Variants in ADAM22 observed in about 807,000 individuals in gnomAD.
ADAM22 encodes ADAM metallopeptidase domain 22, also known as disintegrin and metalloproteinase domain-containing protein 22.
A neutral mutation model predicts 144.6 loss-of-function variants in ADAM22; 65 were observed. The ratio of observed to expected loss-of-function variants is 0.45; its 90% CI spans 0.37 to 0.55. The LOEUF (loss-of-function observed/expected upper bound fraction) is 0.55, where lower values mean the gene tolerates loss of function less well. ADAM22 is among the 20% of genes least tolerant of loss of function. The probability of loss-of-function intolerance (pLI) is 0.00; values close to 1 mark genes in which losing one functional copy is unlikely to be tolerated. For synonymous variants in ADAM22, 391 were observed against 412.6 expected (o/e 0.95, Z 0.63); for missense variants, 974 against 1,184.9 (o/e 0.82, Z 2.61).
intron 5 of ADAM22, among the ~76,000 whole-genome samples, chr7:88,111,218 T>G (rs1825957801): frequency 6.6e-6 from 1 of 152,162 alleles, no homozygotes; most frequent in South Asian, 2.1e-4. Context: ...TAATTATTGC[T>G]TCTCATCTTG....
intron 22 of ADAM22, among the ~76,000 whole-genome samples, chr7:88,162,495 A>G (rs916220518): frequency 6.6e-6 from 1 of 152,138 alleles, no homozygotes; most frequent in African/African-American, 2.4e-5. Flanking sequence ...ATAAAAGTTT[A>G]AAAAATGGTG....
chr7:88,160,786 T>C (rs980479271), intron 22 of ADAM22, among the ~76,000 whole-genome samples: 1 of 151,992 alleles, frequency 6.6e-6, no homozygotes, highest in Admixed American at 6.6e-5. Context: ...TATGCAGCCA[T>C]AAAAAATGAT....
At position 88,197,817 on chromosome 7, in the gene ADAM22, A is replaced by G. The variant is rs1293152384; in HGVS notation, c.*1326A>G. 2 of 152,246 alleles carry G rather than the reference A, an allele frequency of 1.3e-5. No individual in the cohort carries two copies. The highest frequency in any genetic ancestry group is 4.8e-5 in the African/African-American group (2 of 41,464). 9.4% of individuals were successfully genotyped at this position (152,246 alleles called of 1,614,324 possible). On this transcript the variant is annotated 3_prime_UTR_variant, in exon 32 of 32. Coordinates refer to ENST00000413139, the MANE Select transcript of ADAM22 (RefSeq NM_001324418.2). The stretch of plus-strand genomic sequence containing the variant: ...TTGAGTTGAGCAGCTTCAACCATTC[A>G]TAAAGGGTTAAGTTAGATCTAAACC...
rs564558065 is a variant in ADAM22 at position 87,934,408 on chromosome 7, C to T, written c.-58C>T. The T allele has an allele frequency of 5.9e-6, 9 of 1,514,508 alleles. No homozygotes were observed. The South Asian group carries it at 7.2e-5, about 12-fold the overall frequency. The allele number at this position is 1,514,508 out of a possible 1,614,324, so 93.8% of individuals were successfully genotyped here. ...GGGCGCGGAGCGAGGGAAACGGACT[C>T]GGCGGCGCCGGCATGAGGAGCTGAG... On this transcript the variant is annotated 5_prime_UTR_variant, in exon 1 of 32. Transcript: ENST00000413139.
intron 3 of ADAM22, among the ~76,000 whole-genome samples, chr7:88,063,725 A>G (rs1188517898): frequency 6.6e-6 from 1 of 152,190 alleles, no homozygotes; most frequent in African/African-American, 2.4e-5. Flanking sequence ...CATAGAGGAA[A>G]AAACAGGTCA....
chr7:88,134,561 G>A (rs1832558846), intron 13 of ADAM22, 142 bp downstream of exon 13: 3 of 579,900 alleles, frequency 5.2e-6, no homozygotes, highest in Non-Finnish European at 3.0e-6. Context: ...CGCACAAACT[G>A]TTGTTTTCCA....
At position 88,153,168 on chromosome 7, in the gene ADAM22, TG is replaced by T. The variant is rs1409132869; in HGVS notation, c.1682-52del. The stretch of plus-strand genomic sequence containing the variant: ...CAATTTTTCTTTTCTGCAAAGCTTT[TG>T]AGCAGCCAAATCGTACTTCCCTCAC... On this transcript the variant is annotated intron_variant, in intron 20 of 31. Coordinates refer to ENST00000413139, the MANE Select transcript of ADAM22 (RefSeq NM_001324418.2). 5.3e-6 allele frequency: 7 copies of T among 1,312,578 alleles called. No individual in the cohort carries two copies. In the African/African-American group the frequency reaches 8.8e-5, roughly 16 times the overall value. The allele number at this position is 1,312,578 out of a possible 1,614,324, so 81.3% of individuals were successfully genotyped here. A position where few individuals can be genotyped will look rare whatever the true frequency, so the allele number is the denominator to read the frequency against.
chr7:87,943,382 T>C (rs1842852111), intron 2 of ADAM22, among the ~76,000 whole-genome samples: 1 of 151,906 alleles, frequency 6.6e-6, no homozygotes, highest in Non-Finnish European at 1.5e-5. Context: ...TAATCTTTTA[T>C]AATCTTTACT....
chr7:88,181,773 G>C (rs753946391), intron 28 of ADAM22, among the ~76,000 whole-genome samples, 168 bp downstream of exon 28: 1 of 152,150 alleles, frequency 6.6e-6, no homozygotes, highest in African/African-American at 2.4e-5. Context: ...GAAATGATGG[G>C]ATTCGGCAGC....
rs769845941 is a variant in ADAM22 at position 88,125,646 on chromosome 7, G to T, written c.665G>T (p.Arg222Met). The change falls in exon 8 of 32, where the codon AGG becomes ATG. Residue 222 changes from arginine (R) to methionine (M), a missense_variant. Physicochemically the swap from Arg to Met is moderately conservative, Grantham distance 91 (BLOSUM62 -1). Transcript: ENST00000413139. ...TTTATTTTGAAGCCAAGACCAAAAA[G>T]GAGTAAACGGCAGGTATGTATTCAC... The part of the protein sequence containing the change: ...SKFILKPRPK[R>M]SKRQLRRYPR... 2.0e-5 allele frequency: 32 copies of T among 1,592,014 alleles called. No homozygotes were observed. The Admixed American group carries it at 5.2e-4, about 26-fold the overall frequency.
At chr7:88,174,553 G>A (rs954638449) in intron 26 of ADAM22, among the ~76,000 whole-genome samples, 1 of 152,106 alleles carries the variant, frequency 6.6e-6, no homozygotes, top group Non-Finnish European at 1.5e-5. Context: ...GGTCTTAGAA[G>A]CTATATGACT....
At chr7:88,096,759 A>G (rs1821438831) in intron 4 of ADAM22, among the ~76,000 whole-genome samples, 1 of 152,120 alleles carries the variant, frequency 6.6e-6, no homozygotes, top group Non-Finnish European at 1.5e-5. Flanking sequence ...TTTGCAAATC[A>G]TGGAACAAGA....
chr7:87,998,540 G>A (rs1239688882), intron 3 of ADAM22, among the ~76,000 whole-genome samples: 4 of 152,064 alleles, frequency 2.6e-5, no homozygotes, highest in African/African-American at 7.2e-5. Flanking sequence ...ACAGGTGCAC[G>A]CCACAATGCC....
At chr7:88,118,269 TC>T (rs1301619813) in intron 7 of ADAM22, among the ~76,000 whole-genome samples, 1 of 152,196 alleles carries the variant, frequency 6.6e-6, no homozygotes, top group Non-Finnish European at 1.5e-5. Flanking sequence ...TTCCTTTCTC[TC>T]TAAATGAAGT....
chr7:87,952,669 G>C (rs1845567020), intron 2 of ADAM22, among the ~76,000 whole-genome samples: 1 of 152,124 alleles, frequency 6.6e-6, no homozygotes, highest in East Asian at 1.9e-4. Context: ...AATGAGTTAG[G>C]GAGGATTCCC....
intron 25 of ADAM22, among the ~76,000 whole-genome samples, chr7:88,168,605 A>G (rs1843470808): frequency 6.6e-6 from 1 of 152,110 alleles, no homozygotes; most frequent in South Asian, 2.1e-4. Context: ...AATGTGTTCA[A>G]TTTTCTTTTC....
At chr7:88,062,206 A>G (rs1221579125) in intron 3 of ADAM22, among the ~76,000 whole-genome samples, 2 of 121,922 alleles carry the variant, frequency 1.6e-5, no homozygotes, top group Non-Finnish European at 3.9e-5. Flanking sequence ...GTCCTAGATG[A>G]CATCTTCTTC....
At chr7:88,126,136 C>T (rs12535283) in intron 8 of ADAM22, among the ~76,000 whole-genome samples, 10,237 of 152,020 alleles carry the variant, frequency 0.067, 427 homozygotes, top group Admixed American at 0.11. Flanking sequence ...TATGATTGTT[C>T]GACTGGATCT....
chr7:88,056,871 C>G (rs1268622377), intron 3 of ADAM22, among the ~76,000 whole-genome samples: 1 of 152,122 alleles, frequency 6.6e-6, no homozygotes, highest in Non-Finnish European at 1.5e-5. Context: ...CAAGTTAGGT[C>G]ATCGTGTCAA....
Sources: gnomAD v4.1 joint callset for allele counts (sites outside exome capture counted in the v4.1 genomes callset) on GRCh38, gnomAD v4.1.1 for gene constraint, MANE v1.5 for transcripts, NCBI Gene and HGNC (gene_info 2026-07-23, HGNC 2026-07-21) for gene names.